The following UGT1A10 variants were observed in gnomAD, a reference collection of about 807,000 sequenced individuals.
UGT1A10 encodes UDP-glucuronosyltransferase 1A10.
Under a neutral mutation model 45.8 loss-of-function variants are expected in UGT1A10, and 49 were observed. The ratio of observed to expected loss-of-function variants is 1.07; its 90% CI spans 0.85 to 1.36. The LOEUF (loss-of-function observed/expected upper bound fraction) is 1.36. UGT1A10 is among the 40% of genes most tolerant of loss of function. UGT1A10 has a pLI of 0.00. For synonymous variants in UGT1A10, 284 were observed against 249.7 expected (o/e 1.14, Z -1.29); for missense variants, 745 against 668.6 (o/e 1.11, Z -1.26).
In UGT1A10 at chr2:233,725,322, G is replaced by C. The variant is rs1180235241; in HGVS notation, c.856-41712G>C. Among the ~76,000 whole-genome samples the C allele has an allele frequency of 1.9e-5, 2 of 103,758 alleles. 1 individual carries two copies. Among genetic ancestry groups the C allele is most frequent in the Non-Finnish European group, 4.1e-5 (2 of 49,016 alleles). 68.1% of individuals were successfully genotyped at this position (103,758 alleles called of 152,430 possible). On this transcript the variant is annotated intron_variant, in intron 1 of 4. Transcript: ENST00000344644. Reference sequence around the variant, plus strand: ...GGCAGAGGCAGAGGCAGAGGCGCCTGGTCAACAATCTTAAGTCCAATAAGA... The same window carrying C: ...GGCAGAGGCAGAGGCAGAGGCGCCTCGTCAACAATCTTAAGTCCAATAAGA...
intron 2 of UGT1A10, 57 bp from the exon 3 acceptor site, chr2:233,767,792 T>G (rs1011366406): frequency 1.2e-6 from 2 of 1,613,950 alleles, no homozygotes; most frequent in African/African-American, 1.3e-5. Context: ...ATAGCAGATT[T>G]GTTTTCTAAT....
intron 1 of UGT1A10, chr2:233,681,760 G>T: frequency 1.0e-5 from 9 of 903,718 alleles, no homozygotes; most frequent in Non-Finnish European, 1.2e-5. Flanking sequence ...AGGTATCTCA[G>T]CAAAGGCTAC....
chr2:233,690,756 GACATACACACACACACACAT>G (rs1040043100), intron 1 of UGT1A10: 5 of 1,106,974 alleles, frequency 4.5e-6, no homozygotes, highest in African/African-American at 4.7e-5. Flanking sequence ...GTCCAGTGCA[GACATACACACACACACACAT>G]ACACACACAC....
intron 1 of UGT1A10, among the ~76,000 whole-genome samples, chr2:233,659,444 GAAAATTTTAAGGTTTGAGAA>G (rs1324697717): frequency 6.6e-6 from 1 of 152,140 alleles, no homozygotes; most frequent in Non-Finnish European, 1.5e-5. Context: ...ATGTTATTAA[GAAAATTTTAAGGTTTGAGAA>G]AAAATTTTAG....
intron 1 of UGT1A10, chr2:233,693,100 C>T: frequency 6.2e-7 from 1 of 1,614,118 alleles, no homozygotes; most frequent in Non-Finnish European, 8.5e-7. Flanking sequence ...TGCTGGTGGT[C>T]CCTCAGGACG....
rs1159047004 is a variant in UGT1A10, at chr2:233,755,329, C to T, written c.856-11705C>T. ...CAGCGAGCGGCAAGGCTGCCAGCAC[C>T]CGCGCACAGGTCAGAGGCTTGGCGA... On this transcript the variant is annotated intron_variant, in intron 1 of 4. Coordinates refer to ENST00000344644, the MANE Select transcript of UGT1A10 (RefSeq NM_019075.4). The T allele has an allele frequency of 1.7e-5, 8 of 468,526 alleles. No individual in the cohort carries two copies. The Admixed American group carries it at 2.8e-4, about 16-fold the overall frequency. 29.0% of individuals were successfully genotyped at this position (468,526 alleles called of 1,614,324 possible).
In UGT1A10 at chr2:233,767,540, C is replaced by T. The variant is rs570115667; in HGVS notation, c.988-309C>T. Among the ~76,000 whole-genome samples the T allele has an allele frequency of 2.0e-5, 3 of 152,348 alleles. No homozygotes were observed. In the East Asian group the frequency reaches 5.8e-4, roughly 29 times the overall value. On this transcript the variant is annotated intron_variant, in intron 2 of 4. Transcript: ENST00000344644. ...TGAATTTATGTCTTACATTTCTGCT[C>T]TTATAGTTCTGCATCCACTTGTTTC...
intron 1 of UGT1A10, among the ~76,000 whole-genome samples, chr2:233,707,402 T>TTC (rs2075960068): frequency 6.6e-6 from 1 of 152,208 alleles, no homozygotes; most frequent in Non-Finnish European, 1.5e-5. Context: ...CTTTTTGATG[T>TTC]TCTCTCTCCC....
At chr2:233,646,617 T>C (rs911858541) in intron 1 of UGT1A10, among the ~76,000 whole-genome samples, 1 of 149,288 alleles carries the variant, frequency 6.7e-6, no homozygotes, top group Admixed American at 6.7e-5. Context: ...ATGCTGCCAG[T>C]CTCTTTGCTA....
At chr2:233,689,772 G>C in intron 1 of UGT1A10, 1 of 320,484 alleles carries the variant, frequency 3.1e-6, no homozygotes, top group Non-Finnish European at 6.2e-6. Flanking sequence ...ACAACTCGGG[G>C]ACATATGTTA....
chr2:233,675,875 G>A (rs948812531), intron 1 of UGT1A10, among the ~76,000 whole-genome samples: 1 of 151,948 alleles, frequency 6.6e-6, no homozygotes, highest in African/African-American at 2.4e-5. Context: ...TTGTTACATA[G>A]CCACAATATC....
At chr2:233,753,258 G>C (rs935441896) in intron 1 of UGT1A10, 1 of 152,170 alleles carries the variant, frequency 6.6e-6, no homozygotes. Context: ...CAACTACCCA[G>C]GCACCTTGGA....
rs187591809 is a variant in UGT1A10, at chr2:233,681,835, G to A, written c.855+44458G>A. On this transcript the variant is annotated intron_variant, in intron 1 of 4. Coordinates refer to ENST00000344644, the MANE Select transcript of UGT1A10 (RefSeq NM_019075.4). ...AATTTTTTTTTAAATGAATGAATAA[G>A]TACACGCCTTCTTTTGAGGGCAGGT... 4.5e-4 allele frequency: 682 copies of A among 1,515,910 alleles called. 3 individuals carry two copies. The East Asian group carries it at 4.6e-3, about 10-fold the overall frequency. 93.9% of individuals were successfully genotyped at this position (1,515,910 alleles called of 1,614,324 possible). A position where few individuals can be genotyped will look rare whatever the true frequency, so the allele number is the denominator to read the frequency against.
At chr2:233,704,337 A>G (rs2075781875) in intron 1 of UGT1A10, among the ~76,000 whole-genome samples, 1 of 144,470 alleles carries the variant, frequency 6.9e-6, no homozygotes. Flanking sequence ...CCACTATTTA[A>G]AAAGTTGTGT....
At position 233,651,471 on chromosome 2, in the gene UGT1A10, G is replaced by A. The variant is rs182942070; in HGVS notation, c.855+14094G>A. Among the ~76,000 whole-genome samples, 10 of 152,280 alleles carry A rather than the reference G, an allele frequency of 6.6e-5. No individual in the cohort carries two copies. In the East Asian group the frequency reaches 1.9e-3, roughly 29 times the overall value. On this transcript the variant is annotated intron_variant, in intron 1 of 4. Coordinates refer to ENST00000344644, the MANE Select transcript of UGT1A10 (RefSeq NM_019075.4). ...TGTATTAAAGGATAGGTATGTATAA[G>A]AGGTTTTATAGAAGTGGAAAGTTAT...
intron 1 of UGT1A10, among the ~76,000 whole-genome samples, chr2:233,711,833 G>T (rs961269951): frequency 6.6e-6 from 1 of 152,218 alleles, no homozygotes; most frequent in African/African-American, 2.4e-5. Flanking sequence ...GGACAAGGAG[G>T]CGTCAGCAAT....
At chr2:233,657,683 T>G (rs2073885304) in intron 1 of UGT1A10, among the ~76,000 whole-genome samples, 1 of 152,194 alleles carries the variant, frequency 6.6e-6, no homozygotes. Context: ...TGGTCAGTCT[T>G]TTTGATTGCA....
At chr2:233,759,132 G>T (rs532304308) in intron 1 of UGT1A10, among the ~76,000 whole-genome samples, 5 of 152,204 alleles carry the variant, frequency 3.3e-5, no homozygotes, top group African/African-American at 9.7e-5. Context: ...CCTCTGGTAC[G>T]CAATGAAGGT....
intron 1 of UGT1A10, among the ~76,000 whole-genome samples, chr2:233,664,163 C>A (rs567138228): frequency 2.8e-4 from 43 of 152,310 alleles, no homozygotes; most frequent in African/African-American, 8.9e-4. Context: ...CTCATTTTCA[C>A]ATGAGACCTC....
Sources: gnomAD v4.1 joint callset for allele counts (sites outside exome capture counted in the v4.1 genomes callset) on GRCh38, gnomAD v4.1.1 for gene constraint, MANE v1.5 for transcripts, NCBI Gene and HGNC (gene_info 2026-07-23, HGNC 2026-07-21) for gene names.